Variants in AIFM2 observed in about 807,000 individuals in gnomAD.
The protein encoded by AIFM2 is ferroptosis suppressor protein 1.
In AIFM2, 38 loss-of-function variants were observed where a neutral mutation model predicts 35.7. The observed-to-expected ratio is 1.06, with a 90% CI of 0.82 to 1.39. The LOEUF (loss-of-function observed/expected upper bound fraction) is 1.39. AIFM2 is among the 40% of genes most tolerant of loss of function. The pLI is 0.00. For missense variants in AIFM2, 476 were observed against 491.2 expected, an observed-to-expected ratio of 0.97 and a Z score of 0.29; for synonymous variants, 185 against 203.5, an observed-to-expected ratio of 0.91 and a Z score of 0.77.
In AIFM2 at chr10:70,114,917, T is replaced by TA; in HGVS notation, c.970+2dup. 1 of 1,613,888 alleles carries TA rather than the reference T, an allele frequency of 6.2e-7. No homozygotes were observed. The highest frequency in any genetic ancestry group is 8.5e-7 in the Non-Finnish European group (1 of 1,179,888). The stretch of plus-strand genomic sequence containing the variant: ...ACTGCAAAGCACATGGGGCCTCTCT[T>TA]ACCCGGCTTGTAGGCCTGGAGAGGC... On this transcript the variant is annotated splice_region_variant and intron_variant, in intron 8 of 8. Transcript: ENST00000307864.
chr10:70,114,418 A>G (rs1471270594), intron 8 of AIFM2, 89 bp from the exon 9 acceptor site: 2 of 1,519,722 alleles, frequency 1.3e-6, no homozygotes, highest in East Asian at 4.6e-5. Flanking sequence ...CGAGGCCTTC[A>G]GACTCAGGGC....
At chr10:70,122,659 C>CA (rs1226142294) in intron 3 of AIFM2, among the ~76,000 whole-genome samples, 4 of 152,346 alleles carry the variant, frequency 2.6e-5, no homozygotes, top group African/African-American at 9.6e-5. Context: ...TTGTTCTAGA[C>CA]AGAGCCGAGG....
intron 5 of AIFM2, 80 bp downstream of exon 5, chr10:70,120,427 G>T: frequency 7.0e-7 from 1 of 1,434,166 alleles, no homozygotes; most frequent in Non-Finnish European, 9.8e-7. Context: ...TCTCTGCCCT[G>T]AGCAAATTCC....
At chr10:70,123,853 A>G in intron 2 of AIFM2, 54 bp downstream of exon 2, 1 of 1,480,442 alleles carries the variant, frequency 6.8e-7, no homozygotes, top group African/African-American at 1.4e-5. Context: ...ATCAAGCCCC[A>G]GAGCAGAGAC....
At chr10:70,121,454 G>A (rs567884963) in intron 3 of AIFM2, among the ~76,000 whole-genome samples, 4 of 152,206 alleles carry the variant, frequency 2.6e-5, no homozygotes, top group South Asian at 2.1e-4. Context: ...TTACCTCCGC[G>A]TGGAGAATGT....
At chr10:70,118,772 T>G (rs1472954397) in intron 5 of AIFM2, among the ~76,000 whole-genome samples, 2 of 152,192 alleles carry the variant, frequency 1.3e-5, no homozygotes, top group African/African-American at 4.8e-5. Flanking sequence ...TAATATTTGG[T>G]CCTCATTGCC....
At chr10:70,130,717 A>C (rs374837585) in intron 1 of AIFM2, among the ~76,000 whole-genome samples, 39 of 152,242 alleles carry the variant, frequency 2.6e-4, no homozygotes, top group South Asian at 2.1e-3. Context: ...TGGTAACTTG[A>C]AGTTTAACTT....
At chr10:70,123,805 CT>C (rs1247207907) in intron 2 of AIFM2, 101 bp downstream of exon 2, 2 of 1,274,414 alleles carry the variant, frequency 1.6e-6, no homozygotes, top group African/African-American at 1.5e-5. Flanking sequence ...AATGCAGGCA[CT>C]TGGCCCTAAA....
At position 70,115,267 on chromosome 10, in the gene AIFM2, T is replaced by C. The variant is rs2072423629; in HGVS notation, c.770-147A>G. The C allele has an allele frequency of 1.0e-5, 8 of 771,758 alleles. No homozygotes were observed. In the East Asian group the frequency reaches 2.2e-4, roughly 21 times the overall value. 47.8% of individuals were successfully genotyped at this position (771,758 alleles called of 1,614,324 possible). A position where few individuals can be genotyped will look rare whatever the true frequency, so the allele number is the denominator to read the frequency against. ...GGCATGACCACCCCCTGGAGGTGCCTGCTCTAGAGGCCACCCTCCCACCTA... is the reference window on the plus strand; with the variant it reads ...GGCATGACCACCCCCTGGAGGTGCCCGCTCTAGAGGCCACCCTCCCACCTA... On this transcript the variant is annotated intron_variant, in intron 7 of 8. Coordinates refer to ENST00000307864, the MANE Select transcript of AIFM2 (RefSeq NM_032797.6).
rs572231657 is a variant in AIFM2 at position 70,120,706 on chromosome 10, G to A, written c.415-107C>T. On this transcript the variant is annotated intron_variant, in intron 4 of 8. Coordinates refer to ENST00000307864, the MANE Select transcript of AIFM2 (RefSeq NM_032797.6). ...TGGCTCCCTGGGCCAAAGGAGGGCA[G>A]AGAACCCTTTCCACATTTTGAGTCC... The A allele has an allele frequency of 1.4e-5, 18 of 1,244,038 alleles. No individual in the cohort carries two copies. In the East Asian group the frequency reaches 4.2e-4, roughly 29 times the overall value. The allele number at this position is 1,244,038 out of a possible 1,614,324, so 77.1% of individuals were successfully genotyped here. A position where few individuals can be genotyped will look rare whatever the true frequency, so the allele number is the denominator to read the frequency against.
At position 70,131,543 on chromosome 10, in the gene AIFM2, T is replaced by C. The variant is rs372877157; in HGVS notation, c.-14+1191A>G. Among the ~76,000 whole-genome samples, 77 of 152,310 alleles carry C rather than the reference T, an allele frequency of 5.1e-4. No homozygotes were observed. The South Asian group carries it at 0.016, about 31-fold the overall frequency. On this transcript the variant is annotated intron_variant, in intron 1 of 8. Coordinates refer to ENST00000307864, the MANE Select transcript of AIFM2 (RefSeq NM_032797.6). The surrounding 1 kb of genome is among the most constrained non-coding windows in gnomAD (Gnocchi z 4.1). ...GGCAGACAGGTTCATCTGGATGTCA[T>C]ATTCACTCCCGCACAGAAAACCTAG...
At position 70,117,989 on chromosome 10, in the gene AIFM2, C is replaced by T. The variant is rs918306726; in HGVS notation, c.508-69G>A. 81 of 1,104,790 alleles carry T rather than the reference C, an allele frequency of 7.3e-5. 1 individual carries two copies. The highest frequency in any genetic ancestry group is 3.9e-4 in the Middle Eastern group (2 of 5,110). The allele number at this position is 1,104,790 out of a possible 1,614,324, so 68.4% of individuals were successfully genotyped here. On this transcript the variant is annotated intron_variant, in intron 5 of 8. Transcript: ENST00000307864. The surrounding 1 kb of genome is among the most constrained non-coding windows in gnomAD (Gnocchi z 4.7). ...TCTTCAAACACAATCATTGCACGAA[C>T]GTCCACCTCCACTCATACCTCCAGG...
intron 2 of AIFM2, among the ~76,000 whole-genome samples, 181 bp downstream of exon 2, chr10:70,123,726 T>C (rs1341761240): frequency 6.6e-6 from 1 of 152,194 alleles, no homozygotes; most frequent in Admixed American, 6.5e-5. Context: ...CTTTTACTTC[T>C]AGGGTCTCAT....
intron 1 of AIFM2, among the ~76,000 whole-genome samples, chr10:70,126,108 G>A (rs896438150): frequency 6.6e-6 from 1 of 152,368 alleles, no homozygotes; most frequent in African/African-American, 2.4e-5. Flanking sequence ...CTTGCAGTGT[G>A]GGCCTCAGGC....
chr10:70,132,415 TC>T (rs991958949), intron 1 of AIFM2, among the ~76,000 whole-genome samples: 15 of 152,208 alleles, frequency 9.9e-5, no homozygotes, highest in African/African-American at 3.6e-4. Context: ...TGTTCCCTCT[TC>T]CCCGGTTCGC....
intron 4 of AIFM2, 102 bp from the exon 5 acceptor site, chr10:70,120,701 G>A: frequency 7.7e-7 from 1 of 1,302,600 alleles, no homozygotes; most frequent in South Asian, 1.2e-5. Flanking sequence ...GGCCAAAGGA[G>A]GGCAGAGAAC....
chr10:70,120,789 C>T (rs1226197380), intron 4 of AIFM2, among the ~76,000 whole-genome samples, 190 bp from the exon 5 acceptor site: 3 of 152,192 alleles, frequency 2.0e-5, no homozygotes, highest in African/African-American at 7.2e-5. Context: ...TGGATCTAAG[C>T]CTGCTCTACA....
At chr10:70,116,824 A>T (rs1488237605) in intron 6 of AIFM2, 50 bp from the exon 7 acceptor site, 1 of 1,603,506 alleles carries the variant, frequency 6.2e-7, no homozygotes, top group Non-Finnish European at 8.5e-7. Flanking sequence ...GGACCCCATC[A>T]AGCCTGGACC....
chr10:70,114,009 C>T lies in AIFM2; in HGVS notation c.*169G>A. On this transcript the variant is annotated 3_prime_UTR_variant, in exon 9 of 9. Transcript: ENST00000307864. ...TCTAAGGGGGGTATTTGTTTAATACCTCTCTCTCTCCCATTTTTGTTTTAT... is the reference window on the plus strand; with the variant it reads ...TCTAAGGGGGGTATTTGTTTAATACTTCTCTCTCTCCCATTTTTGTTTTAT... 1 of 814,786 alleles carries T rather than the reference C, an allele frequency of 1.2e-6. No individual in the cohort carries two copies. Among genetic ancestry groups the T allele is most frequent in the Non-Finnish European group, 1.8e-6 (1 of 545,176 alleles). 50.5% of individuals were successfully genotyped at this position (814,786 alleles called of 1,614,324 possible). A position where few individuals can be genotyped will look rare whatever the true frequency, so the allele number is the denominator to read the frequency against.
Sources: allele counts gnomAD v4.1 joint callset (sites outside exome capture counted in the v4.1 genomes callset), GRCh38; gene constraint gnomAD v4.1.1; non-coding constraint Gnocchi (gnomAD v3.1); transcripts MANE v1.5; gene names NCBI Gene and HGNC (gene_info 2026-07-23, HGNC 2026-07-21).